RANBP2: variants seen among roughly 807,000 people sequenced by gnomAD.
RANBP2 encodes the protein RAN binding protein 2.
RANBP2 carries 57 observed loss-of-function variants against 303.6 expected under a neutral mutation model. That is an observed-to-expected ratio of 0.19 (90% CI 0.15 to 0.23). The LOEUF (loss-of-function observed/expected upper bound fraction) is 0.23, where lower values mean the gene tolerates loss of function less well. Ranked by LOEUF, RANBP2 falls within the 10% of genes least tolerant of loss-of-function variation. The pLI, the probability that RANBP2 is intolerant of heterozygous loss-of-function variation, is 1.00. For missense variants in RANBP2, 3,138 were observed against 3,780.8 expected (o/e 0.83, Z 4.46); for synonymous variants, 1,167 against 1,301.5 (o/e 0.90, Z 2.23).
chr2:109,078,171 TGTATATATATAGCATATATATATAGC>T, the RANBP2 span, among the ~76,000 whole-genome samples: 1 of 126,600 alleles, frequency 7.9e-6, no homozygotes, highest in Non-Finnish European at 1.7e-5. Flanking sequence ...ATATATAGCG[TGTATATATATAGCATATATATATAGC>T]GTATATATAT....
chr2:109,107,020 C>A, the RANBP2 span, among the ~76,000 whole-genome samples: 1 of 150,818 alleles, frequency 6.6e-6, no homozygotes, highest in Non-Finnish European at 1.5e-5. Context: ...TCACTGCAAC[C>A]TCTGCCTCCT....
chr2:108,943,161 G>A, the RANBP2 span, among the ~76,000 whole-genome samples: 14 of 152,140 alleles, frequency 9.2e-5, no homozygotes, highest in Admixed American at 7.9e-4. Flanking sequence ...TGTTCTACCG[G>A]TTTGAAAGAG....
chr2:108,786,840 CA>C, downstream of RANBP2: 1 of 1,592,508 alleles, frequency 6.3e-7, no homozygotes, highest in South Asian at 1.1e-5. Context: ...CGAGGGTCGT[CA>C]AGCCACCGGG....
chr2:109,418,936 C>T, the RANBP2 span, among the ~76,000 whole-genome samples: 1 of 152,026 alleles, frequency 6.6e-6, no homozygotes, highest in East Asian at 1.9e-4. Flanking sequence ...CCTCCCTCGG[C>T]CCCCCCACTG....
At chr2:108,800,638 T>TTTTTTA in the RANBP2 span, among the ~76,000 whole-genome samples, 115 of 73,764 alleles carry the variant, frequency 1.6e-3, 18 homozygotes, top group African/African-American at 5.1e-3. Context: ...TTTTTTTTTT[T>TTTTTTA]AATTATACTT....
the RANBP2 span, among the ~76,000 whole-genome samples, chr2:109,636,107 G>C: frequency 4.6e-5 from 7 of 152,150 alleles, no homozygotes; most frequent in Non-Finnish European, 1.0e-4. Flanking sequence ...ACCAGGAAGT[G>C]AGCCCTTACC....
At chr2:109,729,174 T>C in the RANBP2 span, among the ~76,000 whole-genome samples, 4 of 152,290 alleles carry the variant, frequency 2.6e-5, no homozygotes, top group African/African-American at 7.2e-5. Context: ...TTCCAACTTA[T>C]TTTTTCATCT....
chr2:109,371,692 G>A, the RANBP2 span: 9 of 1,611,784 alleles, frequency 5.6e-6, no homozygotes, highest in South Asian at 7.7e-5. Flanking sequence ...GTAAGACCGT[G>A]CCGCCCTCCC....
At chr2:109,355,765 G>A in the RANBP2 span, among the ~76,000 whole-genome samples, 1 of 152,224 alleles carries the variant, frequency 6.6e-6, no homozygotes, top group Non-Finnish European at 1.5e-5. Flanking sequence ...ATGCCATGCG[G>A]ATCAGTCTTG....
the RANBP2 span, among the ~76,000 whole-genome samples, chr2:108,968,515 G>T: frequency 6.6e-6 from 1 of 152,194 alleles, no homozygotes; most frequent in African/African-American, 2.4e-5. Context: ...CTGGCTTGTT[G>T]AGAATTGGAG....
the RANBP2 span, among the ~76,000 whole-genome samples, chr2:109,443,393 C>T: frequency 3.3e-5 from 5 of 152,296 alleles, no homozygotes; most frequent in South Asian, 6.2e-4. Context: ...AAACAAAAAT[C>T]GCCTTGTTCA....
the RANBP2 span, among the ~76,000 whole-genome samples, chr2:109,008,652 C>T: frequency 7.9e-5 from 12 of 151,034 alleles, no homozygotes; most frequent in African/African-American, 2.9e-4. Flanking sequence ...TCTGTAATCC[C>T]AGCATTTTGA....
the RANBP2 span, among the ~76,000 whole-genome samples, chr2:109,447,404 C>T: frequency 2.6e-5 from 4 of 152,126 alleles, no homozygotes; most frequent in Non-Finnish European, 4.4e-5. Context: ...TTAGGATTAA[C>T]GAGTGCATAG....
At chr2:109,269,980 TG>T in the RANBP2 span, among the ~76,000 whole-genome samples, 1 of 152,204 alleles carries the variant, frequency 6.6e-6, no homozygotes, top group Non-Finnish European at 1.5e-5. Flanking sequence ...CAGAAATTAA[TG>T]AAGCCCTAGG....
At chr2:109,422,977 C>T in the RANBP2 span, among the ~76,000 whole-genome samples, 74,980 of 151,868 alleles carry the variant, frequency 0.49, 18,634 homozygotes, top group African/African-American at 0.52. Context: ...ACTCGGTCCA[C>T]GTACCTGCAA....
the RANBP2 span, among the ~76,000 whole-genome samples, chr2:109,292,387 G>C: frequency 1.3e-4 from 20 of 152,038 alleles, no homozygotes; most frequent in Admixed American, 1.1e-3. Flanking sequence ...TTTGTATCCT[G>C]GTCTTTTCAC....
chr2:109,338,922 A>AGT, the RANBP2 span, among the ~76,000 whole-genome samples: 1 of 107,026 alleles, frequency 9.3e-6, no homozygotes, highest in Non-Finnish European at 1.8e-5. Context: ...GATAACACAA[A>AGT]CAGTTGATCA....
At chr2:109,417,974 C>T in the RANBP2 span, among the ~76,000 whole-genome samples, 1 of 152,058 alleles carries the variant, frequency 6.6e-6, no homozygotes, top group African/African-American at 2.4e-5. Flanking sequence ...CAGGGCTGGC[C>T]ACCTACCTGG....
the RANBP2 span, among the ~76,000 whole-genome samples, chr2:109,739,731 C>T: frequency 3.9e-5 from 6 of 151,992 alleles, no homozygotes; most frequent in Admixed American, 3.9e-4. Flanking sequence ...GTCTTGATTG[C>T]TCTAGCTAAG....
Sources: allele counts gnomAD v4.1 joint callset (sites outside exome capture counted in the v4.1 genomes callset), GRCh38; gene constraint gnomAD v4.1.1; transcripts MANE v1.5; gene names NCBI Gene and HGNC (gene_info 2026-07-23, HGNC 2026-07-21).